Variants in ADAP2 observed in about 807,000 individuals in gnomAD.
ADAP2 encodes arf-GAP with dual PH domain-containing protein 2.
In ADAP2, 42 loss-of-function variants were observed where a neutral mutation model predicts 54.9. That is an observed-to-expected ratio of 0.77 (90% CI 0.60 to 0.99). The LOEUF (loss-of-function observed/expected upper bound fraction) is 0.99. Among genes scored for constraint, ADAP2 ranks in the 50% least tolerant of loss-of-function variants. ADAP2 has a pLI of 0.00. For synonymous variants in ADAP2, 177 were observed against 180.1 expected (o/e 0.98, Z 0.14); for missense variants, 429 against 480.4 (o/e 0.89, Z 1.00).
intron 5 of ADAP2, among the ~76,000 whole-genome samples, chr17:30,941,989 T>G (rs1912302914): frequency 6.6e-6 from 1 of 152,062 alleles, no homozygotes; most frequent in Admixed American, 6.6e-5. Context: ...CACTGCAGCC[T>G]CCGCCTCCTG....
chr17:30,952,383 T>C (rs1280874199), intron 7 of ADAP2, among the ~76,000 whole-genome samples: 2 of 152,172 alleles, frequency 1.3e-5, no homozygotes, highest in African/African-American at 2.4e-5. Flanking sequence ...TTTTTTGTTT[T>C]GTTTTGTTTT....
chr17:30,954,999 T>A (rs1371342307), intron 9 of ADAP2, among the ~76,000 whole-genome samples: 1 of 152,154 alleles, frequency 6.6e-6, no homozygotes, highest in Non-Finnish European at 1.5e-5. Context: ...ACAGGCTTAA[T>A]AAGAATGCCT....
intron 7 of ADAP2, among the ~76,000 whole-genome samples, chr17:30,952,763 A>T (rs1172200863): frequency 6.6e-6 from 1 of 152,078 alleles, no homozygotes; most frequent in Non-Finnish European, 1.5e-5. Context: ...GCATATTTAT[A>T]CTTTAGCACC....
At chr17:30,954,385 G>C (rs572839604) in intron 8 of ADAP2, 93 bp from the exon 9 acceptor site, 55 of 1,063,326 alleles carry the variant, frequency 5.2e-5, no homozygotes, top group African/African-American at 5.0e-4. Context: ...AGTGGGACTG[G>C]CCAGCTCCTT....
intron 5 of ADAP2, among the ~76,000 whole-genome samples, chr17:30,938,239 G>A (rs984224264): frequency 2.0e-5 from 3 of 152,158 alleles, no homozygotes; most frequent in African/African-American, 7.2e-5. Context: ...GCCCTTAGCT[G>A]GCCAGAGACC....
At chr17:30,934,092 G>A (rs1333338806) in intron 4 of ADAP2, 93 bp from the exon 5 acceptor site, 14 of 877,412 alleles carry the variant, frequency 1.6e-5, no homozygotes, top group Non-Finnish European at 2.4e-5. Context: ...CAGATGGAAG[G>A]CTTATTCCAC....
chr17:30,923,099 G>A, intron 2 of ADAP2, 29 bp downstream of exon 2: 1 of 1,611,702 alleles, frequency 6.2e-7, no homozygotes, highest in African/African-American at 1.3e-5. Context: ...GGAGAGCCAT[G>A]GAACTGCGGG....
At chr17:30,949,681 G>A (rs950865560) in intron 7 of ADAP2, among the ~76,000 whole-genome samples, 25 of 151,662 alleles carry the variant, frequency 1.6e-4, no homozygotes, top group South Asian at 4.2e-4. Context: ...CCCGGGAGGC[G>A]GAGCTTGCAG....
At chr17:30,928,006 G>C (rs1296979546) in intron 3 of ADAP2, among the ~76,000 whole-genome samples, 1 of 151,352 alleles carries the variant, frequency 6.6e-6, no homozygotes, top group Non-Finnish European at 1.5e-5. Context: ...ATGAGTGACA[G>C]AGTGAGACCT....
chr17:30,947,822 G>C (rs754324359), intron 6 of ADAP2, among the ~76,000 whole-genome samples: 3 of 152,168 alleles, frequency 2.0e-5, no homozygotes, highest in Non-Finnish European at 4.4e-5. Flanking sequence ...ACCACTATTT[G>C]AACAAGCCTT....
Position 30,944,992 on chromosome 17 carries a change from A to G in ADAP2, c.596A>G (p.Gln199Arg). ...AAGATAGGGCACCCCCATGGGCTGC[A>G]GATCACCTACAGGAGAGATGGCCAC... is the stretch of plus-strand genomic sequence containing the variant. ...TEKIGHPHGL[Q>R]ITYRRDGHTR... Residue 199 changes from glutamine to arginine, a missense_variant, in exon 6 of 11, where the codon CAG (glutamine) becomes CGG (arginine). Transcript: ENST00000330889. 1 of 1,614,162 alleles carries G rather than the reference A, an allele frequency of 6.2e-7. No individual in the cohort carries two copies. The highest frequency in any genetic ancestry group is 8.5e-7 in the Non-Finnish European group (1 of 1,180,024).
intron 5 of ADAP2, among the ~76,000 whole-genome samples, chr17:30,938,147 T>A (rs1912021106): frequency 6.6e-6 from 1 of 152,222 alleles, no homozygotes; most frequent in African/African-American, 2.4e-5. Context: ...TTACTATTTC[T>A]CACAATCCTA....
intron 6 of ADAP2, among the ~76,000 whole-genome samples, chr17:30,948,060 C>G (rs890091185): frequency 1.3e-5 from 2 of 152,112 alleles, no homozygotes; most frequent in African/African-American, 2.4e-5. Flanking sequence ...CAAAACTAAC[C>G]TGCGGGATAA....
intron 4 of ADAP2, among the ~76,000 whole-genome samples, 165 bp from the exon 5 acceptor site, chr17:30,934,020 C>G (rs893381693): frequency 2.6e-5 from 4 of 152,174 alleles, no homozygotes; most frequent in African/African-American, 9.7e-5. Flanking sequence ...AAGTTGGCCA[C>G]AGATGGGATC....
At chr17:30,953,175 T>G in intron 7 of ADAP2, 113 bp from the exon 8 acceptor site, 15 of 867,618 alleles carry the variant, frequency 1.7e-5, no homozygotes, top group African/African-American at 3.4e-5. Flanking sequence ...CTGTGAGCCA[T>G]GAGCGTACAT....
At chr17:30,932,258 G>T (rs891699550) in intron 4 of ADAP2, among the ~76,000 whole-genome samples, 1 of 147,496 alleles carries the variant, frequency 6.8e-6, no homozygotes, top group Admixed American at 6.8e-5. Context: ...TTTGAGACAG[G>T]GTCTTACTCT....
chr17:30,954,536 T>G lies in ADAP2; in HGVS notation c.863T>G (p.Leu288Arg). The change falls in exon 9 of 11, where the codon CTC (leucine) becomes CGC (arginine). Residue 288 changes from leucine (L) to arginine (R), a missense_variant. Coordinates refer to ENST00000330889, the MANE Select transcript of ADAP2 (RefSeq NM_018404.3). ...CTGGATTGCCATGAGCGGAGGCTGC[T>G]CTATTACAAGAACCCACTGGTAAGA... ...FALDCHERRL[L>R]YYKNPLDAFE... 6.2e-7 allele frequency: 1 copy of G among 1,614,070 alleles called. No individual in the cohort carries two copies. Among genetic ancestry groups the G allele is most frequent in the Non-Finnish European group, 8.5e-7 (1 of 1,179,988 alleles).
intron 7 of ADAP2, among the ~76,000 whole-genome samples, chr17:30,951,716 C>T (rs184856497): frequency 2.4e-4 from 36 of 148,214 alleles, no homozygotes; most frequent in African/African-American, 7.1e-4. Flanking sequence ...AGTGCAGTGG[C>T]GCCATCTTGG....
rs918024223 is a variant in ADAP2 at position 30,922,845 on chromosome 17, G to A, written c.95-95G>A. ...GCCGCTTAGTTCGCCTTAGGTGGGA[G>A]AAGGGGCGCCCCACCTGCCCCAGTG... On this transcript the variant is annotated intron_variant, in intron 1 of 10. Coordinates refer to ENST00000330889, the MANE Select transcript of ADAP2 (RefSeq NM_018404.3). The A allele has an allele frequency of 9.2e-6, 13 of 1,409,616 alleles. No individual in the cohort carries two copies. In the African/African-American group the frequency reaches 1.0e-4, roughly 11 times the overall value. 87.3% of individuals were successfully genotyped at this position (1,409,616 alleles called of 1,614,324 possible).
Sources: allele counts gnomAD v4.1 joint callset (sites outside exome capture counted in the v4.1 genomes callset), GRCh38; gene constraint gnomAD v4.1.1; transcripts MANE v1.5; gene names NCBI Gene and HGNC (gene_info 2026-07-23, HGNC 2026-07-21).